CACHD1: variants seen among roughly 807,000 people sequenced by gnomAD.
The protein encoded by CACHD1 is cache domain containing 1, also known as VWFA and cache domain-containing protein 1.
In CACHD1, 71 loss-of-function variants were observed where a neutral mutation model predicts 138.7. That is an observed-to-expected ratio of 0.51 (90% CI 0.42 to 0.62). The LOEUF is 0.62. Among genes scored for constraint, CACHD1 ranks in the 20% least tolerant of loss-of-function variants. The probability of loss-of-function intolerance (pLI) is 0.00; values close to 1 mark genes in which losing one functional copy is unlikely to be tolerated. For missense variants in CACHD1, 1,389 were observed against 1,625.3 expected (o/e 0.85, Z 2.50); for synonymous variants, 578 against 591.5 (o/e 0.98, Z 0.33).
At chr1:64,673,126 A>T in intron 17 of CACHD1, 32 bp from the exon 18 acceptor site, 1 of 1,531,004 alleles carries the variant, frequency 6.5e-7, no homozygotes. Flanking sequence ...AACAGCTGAT[A>T]TGAATGAGGG....
intron 13 of CACHD1, 23 bp downstream of exon 13, chr1:64,658,896 A>T: frequency 6.6e-7 from 1 of 1,525,038 alleles, no homozygotes; most frequent in Non-Finnish European, 8.8e-7. Context: ...CACTTCCTTC[A>T]CATTCTTACT....
At chr1:64,586,650 A>C (rs1570393062) in intron 3 of CACHD1, among the ~76,000 whole-genome samples, 1 of 152,216 alleles carries the variant, frequency 6.6e-6, no homozygotes, top group African/African-American at 2.4e-5. Context: ...GTTATAGAGG[A>C]GATGTTTTTA....
chr1:64,631,510 T>C (rs974340912), intron 5 of CACHD1, among the ~76,000 whole-genome samples: 1 of 152,190 alleles, frequency 6.6e-6, no homozygotes, highest in African/African-American at 2.4e-5. Flanking sequence ...TGCCTGCGTT[T>C]CTTAATTTGT....
intron 7 of CACHD1, among the ~76,000 whole-genome samples, chr1:64,635,934 A>C (rs1042758327): frequency 6.6e-6 from 1 of 151,426 alleles, no homozygotes; most frequent in African/African-American, 2.4e-5. Context: ...ACATGGTGAA[A>C]CCTCATCTCC....
chr1:64,615,212 C>G (rs1279045389), intron 4 of CACHD1, among the ~76,000 whole-genome samples: 1 of 152,200 alleles, frequency 6.6e-6, no homozygotes, highest in African/African-American at 2.4e-5. Flanking sequence ...CTCCCCTCAC[C>G]CTTCTAGATA....
intron 1 of CACHD1, among the ~76,000 whole-genome samples, chr1:64,515,443 C>G (rs1479701843): frequency 6.6e-6 from 1 of 152,196 alleles, no homozygotes; most frequent in Non-Finnish European, 1.5e-5. Flanking sequence ...GACATTTGTT[C>G]AGGTTCTTTA....
intron 1 of CACHD1, among the ~76,000 whole-genome samples, chr1:64,529,241 T>C (rs1304232464): frequency 6.6e-6 from 1 of 152,212 alleles, no homozygotes; most frequent in Non-Finnish European, 1.5e-5. Flanking sequence ...ATGCTTTTAA[T>C]TTTTTCTACC....
intron 24 of CACHD1, among the ~76,000 whole-genome samples, chr1:64,680,658 G>A (rs1260546275): frequency 6.6e-6 from 1 of 152,070 alleles, no homozygotes; most frequent in Non-Finnish European, 1.5e-5. Flanking sequence ...CAGTCCCCGG[G>A]GATGTGTTGA....
intron 2 of CACHD1, among the ~76,000 whole-genome samples, chr1:64,558,590 A>G (rs1433330553): frequency 1.3e-5 from 2 of 152,242 alleles, no homozygotes; most frequent in African/African-American, 4.8e-5. Context: ...TGGAACAGGC[A>G]AAGATTTCAC....
intron 1 of CACHD1, among the ~76,000 whole-genome samples, chr1:64,527,662 CCTTT>C (rs1400743306): frequency 6.6e-6 from 1 of 152,138 alleles, no homozygotes; most frequent in Non-Finnish European, 1.5e-5. Flanking sequence ...AAACCAATTT[CCTTT>C]CTCTCTGTTT....
At chr1:64,605,613 A>G (rs1235391530) in intron 4 of CACHD1, among the ~76,000 whole-genome samples, 1 of 152,150 alleles carries the variant, frequency 6.6e-6, no homozygotes, top group Non-Finnish European at 1.5e-5. Flanking sequence ...TGACTGGGAC[A>G]GTAGGAAAGG....
intron 1 of CACHD1, among the ~76,000 whole-genome samples, chr1:64,534,329 C>G (rs1265700744): frequency 6.6e-6 from 1 of 152,160 alleles, no homozygotes; most frequent in East Asian, 1.9e-4. Context: ...CAGGTGTGAG[C>G]CACCGCGCCC....
At chr1:64,531,495 TTGTGTGTGTGTGTG>T (rs68180558) in intron 1 of CACHD1, among the ~76,000 whole-genome samples, 28 of 146,780 alleles carry the variant, frequency 1.9e-4, no homozygotes, top group African/African-American at 6.1e-4. Context: ...ATGAATGTGG[TTGTGTGTGTGTGTG>T]TGTGTGTGTG....
chr1:64,549,288 GATA>G (rs1356984307), intron 1 of CACHD1, among the ~76,000 whole-genome samples: 1 of 152,106 alleles, frequency 6.6e-6, no homozygotes. Context: ...ATTAGCCAAT[GATA>G]ATATCATTAT....
At chr1:64,517,028 C>G (rs987950087) in intron 1 of CACHD1, among the ~76,000 whole-genome samples, 1 of 152,152 alleles carries the variant, frequency 6.6e-6, no homozygotes, top group Non-Finnish European at 1.5e-5. Flanking sequence ...ATTGGGGATG[C>G]TGTTAGTACC....
chr1:64,686,869 T>A (rs1650387882), intron 26 of CACHD1, among the ~76,000 whole-genome samples: 1 of 152,156 alleles, frequency 6.6e-6, no homozygotes, highest in Non-Finnish European at 1.5e-5. Context: ...TAGATGAACG[T>A]AAGACCATTT....
chr1:64,536,572 A>T (rs1646634479), intron 1 of CACHD1, among the ~76,000 whole-genome samples: 1 of 152,182 alleles, frequency 6.6e-6, no homozygotes, highest in South Asian at 2.1e-4. Context: ...ATGGTAAAAA[A>T]TTTAATAGTG....
At chr1:64,616,505 G>A (rs1205876646) in intron 4 of CACHD1, among the ~76,000 whole-genome samples, 1 of 152,174 alleles carries the variant, frequency 6.6e-6, no homozygotes, top group Non-Finnish European at 1.5e-5. Context: ...CAGGTGATGT[G>A]CTTGTGGCAA....
intron 1 of CACHD1, among the ~76,000 whole-genome samples, chr1:64,471,979 C>G (rs915607090): frequency 2.0e-5 from 3 of 152,132 alleles, no homozygotes; most frequent in Non-Finnish European, 1.5e-5. Flanking sequence ...GAAACCTTTG[C>G]TATAACATTC....
Sources: allele counts gnomAD v4.1 joint callset (sites outside exome capture counted in the v4.1 genomes callset), GRCh38; gene constraint gnomAD v4.1.1; transcripts MANE v1.5; gene names NCBI Gene and HGNC (gene_info 2026-07-23, HGNC 2026-07-21).